Variants in SULT2A1 observed in about 807,000 individuals in gnomAD.
SULT2A1 encodes sulfotransferase 2A1.
In SULT2A1, 43 loss-of-function variants were observed where a neutral mutation model predicts 33.9. The ratio of observed to expected loss-of-function variants is 1.27; its 90% CI spans 1.00 to 1.64. The LOEUF is 1.64. Ranked by LOEUF, SULT2A1 falls within the 40% of genes most tolerant of loss-of-function variation. SULT2A1 has a pLI of 0.00. For synonymous variants in SULT2A1, 125 were observed against 113.6 expected (o/e 1.10, Z -0.64); for missense variants, 300 against 335.1 (o/e 0.90, Z 0.82).
At chr19:47,874,977 C>T (rs62531054) in intron 4 of SULT2A1, 143 bp from the exon 5 acceptor site, 5 of 643,778 alleles carry the variant, frequency 7.8e-6, no homozygotes, top group African/African-American at 1.8e-5. Context: ...GCCTGGCCAA[C>T]GTGGTGAAAC....
At position 47,886,106 on chromosome 19, in the gene SULT2A1, G is replaced by A. The variant is rs296361; in HGVS notation, c.136+16C>T. 241,859 of 1,611,102 alleles carry A rather than the reference G, an allele frequency of 0.15. 20,120 individuals carry two copies. The highest frequency in any genetic ancestry group is 0.16 in the Non-Finnish European group (193,817 of 1,178,116). ...ACAACCACAGCCTTTCTCAGTTCAC[G>A]ATTCTGCCTCCTTACCTGATTTGGG... On this transcript the variant is annotated intron_variant, in intron 1 of 5. Coordinates refer to ENST00000222002, the MANE Select transcript of SULT2A1 (RefSeq NM_003167.4).
chr19:47,871,382 C>A lies in SULT2A1; in HGVS notation c.*73G>T, dbSNP rs1165653061. 7.3e-6 allele frequency: 8 copies of A among 1,093,290 alleles called. No individual in the cohort carries two copies. Among genetic ancestry groups the A allele is most frequent in the South Asian group, 1.3e-5 (1 of 78,666 alleles). 67.7% of individuals were successfully genotyped at this position (1,093,290 alleles called of 1,614,324 possible). ...AAAATAATAAGTCTTACACAATGAC[C>A]CCAGTCAGGTACATGTACAAGGACA... On this transcript the variant is annotated 3_prime_UTR_variant, in exon 6 of 6. Coordinates refer to ENST00000222002, the MANE Select transcript of SULT2A1 (RefSeq NM_003167.4).
At chr19:47,874,563 A>C (rs1600029673) in intron 5 of SULT2A1, 94 bp downstream of exon 5, 122 of 639,132 alleles carry the variant, frequency 1.9e-4, no homozygotes, top group Non-Finnish European at 2.5e-4. Context: ...AAAAAAAAGC[A>C]CTCTTTCATC....
intron 2 of SULT2A1, 31 bp from the exon 3 acceptor site, chr19:47,882,241 C>G (rs1460896287): frequency 6.2e-7 from 1 of 1,601,962 alleles, no homozygotes; most frequent in Non-Finnish European, 8.5e-7. Flanking sequence ...AATGAAAAAT[C>G]AATACAGTCA....
chr19:47,871,980 C>T (rs1361668532), intron 5 of SULT2A1, among the ~76,000 whole-genome samples: 6 of 151,634 alleles, frequency 4.0e-5, no homozygotes, highest in Non-Finnish European at 5.9e-5. Context: ...TGCAGTAGCG[C>T]GATCTTGGCT....
rs760115081 is a variant in SULT2A1, at chr19:47,882,164, T to TA, written c.391dup (p.Tyr131LeufsTer11). 3.7e-5 allele frequency: 59 copies of TA among 1,613,788 alleles called. No individual in the cohort carries two copies. The highest frequency in any genetic ancestry group is 5.0e-5 in the Non-Finnish European group (59 of 1,179,958). On this transcript the variant is annotated frameshift_variant, in exon 3 of 6. Transcript: ENST00000222002. LOFTEE classifies it high-confidence loss of function. ...AAACTTCATGTTTTTCCAGAAAAAA[T>TA]AACCAGACACCAAAACATCTCTGGG...
intron 1 of SULT2A1, 81 bp downstream of exon 1, chr19:47,886,041 T>G (rs888744200): frequency 5.9e-6 from 9 of 1,528,740 alleles, no homozygotes; most frequent in Non-Finnish European, 7.1e-6. Context: ...CTGTCTGACA[T>G]AAAGGAAGAA....
chr19:47,882,730 C>A (rs1968615256), intron 2 of SULT2A1, among the ~76,000 whole-genome samples: 1 of 151,930 alleles, frequency 6.6e-6, no homozygotes, highest in African/African-American at 2.4e-5. Flanking sequence ...GCCTGGCCAA[C>A]ATAGTGAAAC....
At chr19:47,874,541 G>GA (rs386389152) in intron 5 of SULT2A1, 116 bp downstream of exon 5, 99,709 of 342,874 alleles carry the variant, frequency 0.29, 11,545 homozygotes, top group Admixed American at 0.42. Context: ...CTTCATCTCG[G>GA]AAAAAAAAAA....
At chr19:47,879,635 T>C (rs565703935) in intron 3 of SULT2A1, among the ~76,000 whole-genome samples, 3 of 152,082 alleles carry the variant, frequency 2.0e-5, no homozygotes, top group Non-Finnish European at 4.4e-5. Context: ...TGTAGGGACA[T>C]GGATGAAGCG....
chr19:47,879,446 G>GA (rs778695376), intron 3 of SULT2A1, among the ~76,000 whole-genome samples: 3 of 152,090 alleles, frequency 2.0e-5, no homozygotes, highest in Non-Finnish European at 4.4e-5. Context: ...GGAGCCTCAG[G>GA]AAACTCACAA....
chr19:47,876,888 C>A (rs1174537654), intron 4 of SULT2A1, among the ~76,000 whole-genome samples: 1 of 150,808 alleles, frequency 6.6e-6, no homozygotes, highest in East Asian at 2.0e-4. Flanking sequence ...GCCTGGGCAA[C>A]ATGGTGAAAC....
At chr19:47,882,732 T>G (rs1486529182) in intron 2 of SULT2A1, among the ~76,000 whole-genome samples, 4 of 151,744 alleles carry the variant, frequency 2.6e-5, no homozygotes. Context: ...CTGGCCAACA[T>G]AGTGAAACCC....
chr19:47,885,570 C>T, intron 1 of SULT2A1, among the ~76,000 whole-genome samples: 1 of 152,174 alleles, frequency 6.6e-6, no homozygotes, highest in East Asian at 1.9e-4. Flanking sequence ...CTCTTGGCCT[C>T]TCAGGGCCAT....
chr19:47,871,484 G>T lies in SULT2A1; in HGVS notation c.829C>A (p.Leu277Ile). ...DKLFQEKMAD[L>I]PRELFPWE ...TCCCATGGGAACAGCTCTCGAGGAA[G>T]ATCTGCCATCTTCTCTTGGAACAAT... The change falls in exon 6 of 6, where the codon CTT becomes ATT. Residue 277 changes from leucine (L) to isoleucine (I), a missense_variant. Coordinates refer to ENST00000222002, the MANE Select transcript of SULT2A1 (RefSeq NM_003167.4). 1.2e-6 allele frequency: 2 copies of T among 1,614,070 alleles called. No homozygotes were observed. The highest frequency in any genetic ancestry group is 1.6e-4 in the Middle Eastern group (1 of 6,062).
rs148150077 is a variant in SULT2A1 at position 47,883,631 on chromosome 19, G to A, written c.291C>T (p.Ser97=). 6.2e-7 allele frequency: 1 copy of A among 1,613,996 alleles called. No homozygotes were observed. Among genetic ancestry groups the A allele is most frequent in the South Asian group, 1.1e-5 (1 of 91,074 alleles). Reference sequence around the variant, plus strand: ...GGAATAACTGGATGGGGAGGTGGGAGGAGAATAAACGTGGACTCTCCGTTT... The same window carrying A: ...GGAATAACTGGATGGGGAGGTGGGAAGAGAATAAACGTGGACTCTCCGTTT... ...LSETESPRLF[S]SHLPIQLFPK... The change falls in exon 2 of 6, where the codon TCC becomes TCT. Residue 97 remains serine, a synonymous_variant. Transcript: ENST00000222002.
intron 5 of SULT2A1, among the ~76,000 whole-genome samples, chr19:47,873,437 C>T (rs934520658): frequency 1.3e-5 from 2 of 151,974 alleles, no homozygotes; most frequent in Non-Finnish European, 1.5e-5. Context: ...TCCCAAAGTG[C>T]TGGGATTACA....
chr19:47,872,503 C>A (rs1600027282), intron 5 of SULT2A1, among the ~76,000 whole-genome samples: 2 of 152,224 alleles, frequency 1.3e-5, no homozygotes, highest in South Asian at 4.1e-4. Flanking sequence ...GCGTCCCACG[C>A]TCCTTCTCCT....
At chr19:47,879,213 G>T in intron 3 of SULT2A1, 83 bp from the exon 4 acceptor site, 1 of 814,114 alleles carries the variant, frequency 1.2e-6, no homozygotes, top group Non-Finnish European at 2.1e-6. Flanking sequence ...CCCCCCACCG[G>T]CTTGTTAACG....
Sources: allele counts gnomAD v4.1 joint callset (sites outside exome capture counted in the v4.1 genomes callset), GRCh38; gene constraint gnomAD v4.1.1; transcripts MANE v1.5; gene names NCBI Gene and HGNC (gene_info 2026-07-23, HGNC 2026-07-21).